Variants in TRPM7 observed in about 807,000 individuals in gnomAD.
The protein encoded by TRPM7 is LTRPC ion channel family member 7.
A neutral mutation model predicts 229.7 loss-of-function variants in TRPM7; 134 were observed. That is an observed-to-expected ratio of 0.58 (90% CI 0.51 to 0.67). The LOEUF (loss-of-function observed/expected upper bound fraction) is 0.67, where lower values mean the gene tolerates loss of function less well. Ranked by LOEUF, TRPM7 falls within the 30% of genes least tolerant of loss-of-function variation. The pLI is 0.00. For missense variants in TRPM7, 1,901 were observed against 2,210.0 expected (o/e 0.86, Z 2.80); for synonymous variants, 699 against 715.2 (o/e 0.98, Z 0.36).
At chr15:50,567,030 A>C (rs547456614) in intron 38 of TRPM7, among the ~76,000 whole-genome samples, 1 of 150,980 alleles carries the variant, frequency 6.6e-6, no homozygotes, top group South Asian at 2.1e-4. Flanking sequence ...TATGCCCCCA[A>C]ATTTGACAAT....
chr15:50,598,557 C>G (rs2059691012), intron 22 of TRPM7, among the ~76,000 whole-genome samples: 1 of 152,162 alleles, frequency 6.6e-6, no homozygotes, highest in Non-Finnish European at 1.5e-5. Flanking sequence ...ATCGAATCTA[C>G]CTGAATGATC....
At chr15:50,657,960 C>A (rs1190574265) in intron 2 of TRPM7, 141 bp from the exon 3 acceptor site, 6 of 551,864 alleles carry the variant, frequency 1.1e-5, no homozygotes, top group Non-Finnish European at 1.9e-5. Flanking sequence ...TTCACGTATA[C>A]CTTGATTTAT....
At chr15:50,567,102 A>G (rs2053633346) in intron 38 of TRPM7, among the ~76,000 whole-genome samples, 1 of 152,040 alleles carries the variant, frequency 6.6e-6, no homozygotes, top group African/African-American at 2.4e-5. Flanking sequence ...CTCAAAAACA[A>G]TTTGATAATC....
intron 38 of TRPM7, 24 bp from the exon 39 acceptor site, chr15:50,561,832 T>TAA (rs75278275): frequency 2.6e-4 from 338 of 1,297,028 alleles, no homozygotes; most frequent in African/African-American, 7.7e-4. Flanking sequence ...CCACAACAAT[T>TAA]AAAAAAAAAA....
chr15:50,662,618 A>G (rs1477543927), intron 2 of TRPM7, among the ~76,000 whole-genome samples: 1 of 152,214 alleles, frequency 6.6e-6, no homozygotes, highest in Non-Finnish European at 1.5e-5. Flanking sequence ...TGCCCAATAG[A>G]TACACAAATT....
chr15:50,674,379 G>A (rs551520019), intron 1 of TRPM7, among the ~76,000 whole-genome samples: 4 of 152,242 alleles, frequency 2.6e-5, no homozygotes, highest in African/African-American at 9.6e-5. Context: ...TGATCCACCC[G>A]CCTCAGCCTC....
chr15:50,643,221 A>T, intron 5 of TRPM7, 119 bp downstream of exon 5: 1 of 758,806 alleles, frequency 1.3e-6, no homozygotes, highest in Non-Finnish European at 2.1e-6. Flanking sequence ...CCCGGGAGGC[A>T]GAGGTTGCAG....
At chr15:50,583,586 T>G (rs1253509314) in intron 28 of TRPM7, among the ~76,000 whole-genome samples, 1 of 151,754 alleles carries the variant, frequency 6.6e-6, no homozygotes, top group Non-Finnish European at 1.5e-5. Context: ...TTTTGTTTTT[T>G]TTTTTTTGAG....
chr15:50,570,313 A>G (rs2053814500), intron 36 of TRPM7, among the ~76,000 whole-genome samples, 158 bp from the exon 37 acceptor site: 1 of 152,138 alleles, frequency 6.6e-6, no homozygotes. Context: ...CTCTTTTGAT[A>G]TTTCATAACT....
Position 50,648,732 on chromosome 15 carries a change from A to G in TRPM7, c.276T>C (p.Tyr92=), listed in dbSNP as rs1442937334. 3 of 1,612,610 alleles carry G rather than the reference A, an allele frequency of 1.9e-6. No homozygotes were observed. Among genetic ancestry groups the G allele is most frequent in the Non-Finnish European group, 8.5e-7 (1 of 1,179,236 alleles). ...AACCCCCTTGAAAATTTATGACTCC[A>G]TAAGCATCCGTTGGGCTCTGTTCTG... ...KHTEQSPTDA[Y]GVINFQGGSH... The change falls in exon 4 of 39, where the codon TAT becomes TAC. Residue 92 remains tyrosine, a synonymous_variant. Coordinates refer to ENST00000646667, the MANE Select transcript of TRPM7 (RefSeq NM_017672.6).
In TRPM7 at chr15:50,634,554, TC is replaced by T; in HGVS notation, c.834del (p.Ile279LeufsTer34). 1 of 1,415,312 alleles carries T rather than the reference TC, an allele frequency of 7.1e-7. No individual in the cohort carries two copies. The highest frequency in any genetic ancestry group is 9.2e-7 in the Non-Finnish European group (1 of 1,081,952). The allele number at this position is 1,415,312 out of a possible 1,614,324, so 87.7% of individuals were successfully genotyped here. On this transcript the variant is annotated frameshift_variant and splice_region_variant, in exon 8 of 39. Transcript: ENST00000646667. LOFTEE classifies it high-confidence loss of function. ...GCCACCACAGGGACACCCTGGCCAA[TC>T]CCTAAAAAGAGCAAAGTTAAATTAA... is the stretch of plus-strand genomic sequence containing the variant. ...KTINQQRIHA[R>X]IGQGVPVVAL...
At chr15:50,596,763 T>TC (rs2059642574) in intron 22 of TRPM7, among the ~76,000 whole-genome samples, 1 of 152,008 alleles carries the variant, frequency 6.6e-6, no homozygotes, top group Non-Finnish European at 1.5e-5. Context: ...ACTTTTTTTT[T>TC]CCCCTGAGAC....
At chr15:50,657,844 A>G in intron 2 of TRPM7, 25 bp from the exon 3 acceptor site, 3 of 1,598,682 alleles carry the variant, frequency 1.9e-6, no homozygotes, top group Non-Finnish European at 2.6e-6. Flanking sequence ...AAGGTAAATA[A>G]ATTATTTCAG....
rs1567080134 is a variant in TRPM7, at chr15:50,648,891, A to G, written c.123-6T>C. On this transcript the variant is annotated splice_polypyrimidine_tract_variant and splice_region_variant and intron_variant, in intron 3 of 38. Coordinates refer to ENST00000646667, the MANE Select transcript of TRPM7 (RefSeq NM_017672.6). ...CCAAGCGACCACAAAAACACCTAAA[A>G]GAAAAAGGTGAGATTAAAACACCCT... 1.9e-6 allele frequency: 3 copies of G among 1,597,606 alleles called. No individual in the cohort carries two copies. Among genetic ancestry groups the G allele is most frequent in the Non-Finnish European group, 2.6e-6 (3 of 1,171,318 alleles).
intron 1 of TRPM7, among the ~76,000 whole-genome samples, chr15:50,672,564 C>T (rs1262689466): frequency 6.6e-6 from 1 of 151,860 alleles, no homozygotes; most frequent in East Asian, 1.9e-4. Context: ...TATATTTGTG[C>T]CTTAGGTTTG....
chr15:50,624,842 T>C lies in TRPM7; in HGVS notation c.1306-542A>G, dbSNP rs1019758360. ...TTACAAATGAACACAAAGTATTTCA[T>C]CATAGTTTTTGTTCTACAGTGAATT... On this transcript the variant is annotated intron_variant, in intron 11 of 38. Coordinates refer to ENST00000646667, the MANE Select transcript of TRPM7 (RefSeq NM_017672.6). Among the ~76,000 whole-genome samples, 4 of 152,210 alleles carry C rather than the reference T, an allele frequency of 2.6e-5. No homozygotes were observed. In the East Asian group the frequency reaches 7.7e-4, roughly 29 times the overall value.
intron 21 of TRPM7, among the ~76,000 whole-genome samples, chr15:50,602,413 T>C (rs760939508): frequency 2.0e-5 from 3 of 152,094 alleles, no homozygotes; most frequent in African/African-American, 2.4e-5. Flanking sequence ...GGGATAGCAT[T>C]AGGATAAATA....
chr15:50,624,615 C>G (rs1229159433), intron 11 of TRPM7, among the ~76,000 whole-genome samples: 1 of 152,090 alleles, frequency 6.6e-6, no homozygotes, highest in African/African-American at 2.4e-5. Flanking sequence ...AAGCAATGCT[C>G]TCAGTGTTTA....
chr15:50,668,959 T>G (rs1253534437), intron 1 of TRPM7, among the ~76,000 whole-genome samples: 1 of 152,330 alleles, frequency 6.6e-6, no homozygotes, highest in East Asian at 1.9e-4. Flanking sequence ...AATTAAAAGC[T>G]GCTTGGGAAA....
Sources: gnomAD v4.1 joint callset for allele counts (sites outside exome capture counted in the v4.1 genomes callset) on GRCh38, gnomAD v4.1.1 for gene constraint, MANE v1.5 for transcripts, NCBI Gene and HGNC (gene_info 2026-07-23, HGNC 2026-07-21) for gene names.